The following TTC39B variants were observed in gnomAD, a reference collection of about 807,000 sequenced individuals.
TTC39B encodes the protein tetratricopeptide repeat domain 39B, also known as tetratricopeptide repeat protein 39B.
Under a neutral mutation model 96.6 loss-of-function variants are expected in TTC39B, and 92 were observed. That is an observed-to-expected ratio of 0.95 (90% confidence interval 0.80 to 1.13). TTC39B has a LOEUF of 1.13. Among genes scored for constraint, TTC39B ranks in the 50% most tolerant of loss-of-function variants. The pLI is 0.00. For missense variants in TTC39B, 955 were observed against 809.3 expected, an observed-to-expected ratio of 1.18 and a Z score of -2.18; for synonymous variants, 367 against 299.4, an observed-to-expected ratio of 1.23 and a Z score of -2.33.
At chr9:15,242,327 A>G (rs1822080359) in intron 2 of TTC39B, among the ~76,000 whole-genome samples, 1 of 152,202 alleles carries the variant, frequency 6.6e-6, no homozygotes, top group Admixed American at 6.5e-5. Context: ...CATGCCTGTA[A>G]TCCCAGCATT....
At chr9:15,229,018 C>T (rs901491615) in intron 2 of TTC39B, among the ~76,000 whole-genome samples, 2 of 152,152 alleles carry the variant, frequency 1.3e-5, no homozygotes, top group African/African-American at 2.4e-5. Context: ...ATAAGCATAT[C>T]ATGCCACAAA....
In TTC39B at chr9:15,171,901, C is replaced by A. The variant is rs115979142; in HGVS notation, c.*118G>T. ...CTCTCAGATGATAGAAAATATTGACCAAAAAAACTGTTTTTTTGTCTCTTA... is the reference window on the plus strand; with the variant it reads ...CTCTCAGATGATAGAAAATATTGACAAAAAAAACTGTTTTTTTGTCTCTTA... On this transcript the variant is annotated 3_prime_UTR_variant, in exon 20 of 20. Coordinates refer to ENST00000512701, the Ensembl canonical transcript of TTC39B. 3.8e-3 allele frequency: 2,558 copies of A among 669,768 alleles called. 56 individuals are homozygous for A. The African/African-American group carries it at 0.041, about 11-fold the overall frequency. 41.5% of individuals were successfully genotyped at this position (669,768 alleles called of 1,614,324 possible).
intron 16 of TTC39B, chr9:15,183,463 A>AT: frequency 4.9e-6 from 1 of 203,538 alleles, no homozygotes; most frequent in Non-Finnish European, 8.9e-6. Context: ...ATTCCTAGGT[A>AT]CAAAAAAAAA....
intron 2 of TTC39B, among the ~76,000 whole-genome samples, chr9:15,239,489 A>C (rs371116163): frequency 6.6e-6 from 1 of 152,246 alleles, no homozygotes. Flanking sequence ...AGTACTATTC[A>C]CAATAGCAAA....
At chr9:15,251,710 T>C (rs1446842089) in intron 2 of TTC39B, among the ~76,000 whole-genome samples, 38 of 89,156 alleles carry the variant, frequency 4.3e-4, no homozygotes, top group Admixed American at 5.9e-4. Flanking sequence ...CATATATATA[T>C]ATATATATAT....
intron 1 of TTC39B, among the ~76,000 whole-genome samples, chr9:15,272,731 C>T (rs1361150877): frequency 2.0e-5 from 3 of 152,194 alleles, no homozygotes; most frequent in Admixed American, 6.5e-5. Flanking sequence ...TCCAGCCCAG[C>T]ACAGTACTCT....
chr9:15,299,988 T>C (rs1360423639), intron 1 of TTC39B, among the ~76,000 whole-genome samples: 5 of 152,132 alleles, frequency 3.3e-5, no homozygotes, highest in African/African-American at 4.8e-5. Context: ...AGACTCAAGA[T>C]TGAACATTTC....
exon 20 of TTC39B, chr9:15,166,982 TTATATA>T (rs1174714919): frequency 0.019 from 381 of 20,214 alleles, 19 homozygotes; most frequent in Middle Eastern, 0.023. Flanking sequence ...AACCTTTATT[TTATATA>T]TATATATATA....
chr9:15,195,207 T>G (rs1202978677), intron 8 of TTC39B, among the ~76,000 whole-genome samples: 1 of 152,200 alleles, frequency 6.6e-6, no homozygotes, highest in East Asian at 1.9e-4. Flanking sequence ...TGTAGTGGTC[T>G]GGATAGAACA....
intron 1 of TTC39B, among the ~76,000 whole-genome samples, chr9:15,293,481 G>A (rs1190439950): frequency 2.0e-5 from 3 of 152,176 alleles, no homozygotes; most frequent in African/African-American, 7.2e-5. Context: ...TTAGGAAATT[G>A]GGCATGAGAA....
At chr9:15,230,837 T>C (rs1407848185) in intron 2 of TTC39B, among the ~76,000 whole-genome samples, 3 of 151,928 alleles carry the variant, frequency 2.0e-5, no homozygotes, top group African/African-American at 4.8e-5. Context: ...ATACAAAAAT[T>C]AGCCAGGCAT....
intron 2 of TTC39B, among the ~76,000 whole-genome samples, chr9:15,255,223 G>C (rs1011542504): frequency 1.3e-5 from 2 of 151,984 alleles, no homozygotes; most frequent in African/African-American, 4.8e-5. Context: ...CAATTTCAGG[G>C]TTCTTCCAAT....
chr9:15,241,044 T>A (rs1822016106), intron 2 of TTC39B, among the ~76,000 whole-genome samples: 2 of 152,290 alleles, frequency 1.3e-5, no homozygotes, highest in Non-Finnish European at 2.9e-5. Flanking sequence ...GAGATGGCGC[T>A]CTCACGAGTT....
intron 2 of TTC39B, among the ~76,000 whole-genome samples, chr9:15,239,993 A>C (rs551555515): frequency 6.6e-6 from 1 of 152,234 alleles, no homozygotes; most frequent in African/African-American, 2.4e-5. Context: ...TAATAGTATT[A>C]GCTACATAGA....
chr9:15,222,307 T>C (rs925769679), intron 3 of TTC39B, among the ~76,000 whole-genome samples: 4 of 152,140 alleles, frequency 2.6e-5, no homozygotes, highest in Admixed American at 6.5e-5. Flanking sequence ...TAGCATAAAA[T>C]TATCATCTTA....
At chr9:15,163,685 A>T (rs1307100295) in exon 20 of TTC39B, 1 of 152,236 alleles carries the variant, frequency 6.6e-6, no homozygotes, top group Non-Finnish European at 1.5e-5. Context: ...CAGTTGTAGC[A>T]ATATAAAAAT....
chr9:15,178,733 G>C (rs902339303), intron 17 of TTC39B, among the ~76,000 whole-genome samples: 10 of 152,304 alleles, frequency 6.6e-5, no homozygotes, highest in African/African-American at 2.4e-4. Flanking sequence ...TAAATAAAGA[G>C]CTTTATTAAT....
intron 2 of TTC39B, among the ~76,000 whole-genome samples, chr9:15,226,815 A>T (rs1821147129): frequency 6.6e-6 from 1 of 152,146 alleles, no homozygotes; most frequent in South Asian, 2.1e-4. Context: ...GGAAATTTCC[A>T]GAAAGAGTTT....
At chr9:15,179,745 T>A (rs769406819) in intron 17 of TTC39B, among the ~76,000 whole-genome samples, 1 of 152,212 alleles carries the variant, frequency 6.6e-6, no homozygotes, top group African/African-American at 2.4e-5. Flanking sequence ...GTTTGTATTA[T>A]GACAACATTC....
Sources: gnomAD v4.1 joint callset for allele counts (sites outside exome capture counted in the v4.1 genomes callset) on GRCh38, gnomAD v4.1.1 for gene constraint, MANE v1.5 for transcripts, NCBI Gene and HGNC (gene_info 2026-07-23, HGNC 2026-07-21) for gene names.